TENM1: variants seen among roughly 807,000 people sequenced by gnomAD.
TENM1 encodes teneurin transmembrane protein 1, also known as teneurin-1.
In TENM1, 35 loss-of-function variants were observed where a neutral mutation model predicts 174.8. The ratio of observed to expected loss-of-function variants is 0.20; its 90% confidence interval spans 0.15 to 0.27. The LOEUF (loss-of-function observed/expected upper bound fraction) is 0.27, where lower values mean the gene tolerates loss of function less well. Among genes scored for constraint, TENM1 ranks in the 10% least tolerant of loss-of-function variants. The pLI is 1.00. For missense variants in TENM1, 1,633 were observed against 2,130.1 expected (o/e 0.77, Z 4.59); for synonymous variants, 781 against 798.7 (o/e 0.98, Z 0.37).
At position 124,642,033 on chromosome X, in the gene TENM1, G is replaced by A. The variant is rs779076980; in HGVS notation, c.1877-42C>T. 6 of 997,488 alleles carry A rather than the reference G, an allele frequency of 6.0e-6. No individual in the cohort carries two copies. In the East Asian group the frequency reaches 1.8e-4, roughly 30 times the overall value. 82.2% of individuals were successfully genotyped at this position (997,488 alleles called of 1,213,427 possible). On this transcript the variant is annotated intron_variant, in intron 10 of 31. Coordinates refer to ENST00000422452, the Ensembl canonical transcript of TENM1. ...GTGGGGGGGAGGGGTGATTAATAGT[G>A]AACAGGTATGGCCAACATACCTTAG...
At chrX:124,492,767 G>T (rs2047099313) in intron 20 of TENM1, among the ~76,000 whole-genome samples, 1 of 110,234 alleles carries the variant, frequency 9.1e-6, no homozygotes, top group African/African-American at 3.3e-5. Flanking sequence ...TATTAACCAT[G>T]AGTCTATCAA....
intron 1 of TENM1, among the ~76,000 whole-genome samples, chrX:124,938,745 A>T (rs1190924377): frequency 8.9e-6 from 1 of 112,285 alleles, no homozygotes; most frequent in Admixed American, 9.5e-5. Flanking sequence ...TTTCTTAGTG[A>T]ACATAATCTC....
At chrX:124,437,318 A>G (rs1481810933) in intron 23 of TENM1, among the ~76,000 whole-genome samples, 2 of 109,609 alleles carry the variant, frequency 1.8e-5, no homozygotes, top group African/African-American at 6.7e-5. Flanking sequence ...ACAGCAATAC[A>G]CTATTGTAGG....
intron 1 of TENM1, among the ~76,000 whole-genome samples, chrX:124,913,667 C>T (rs1370322633): frequency 1.8e-5 from 2 of 111,387 alleles, no homozygotes; most frequent in African/African-American, 6.5e-5. Flanking sequence ...CAACCTCCAG[C>T]CAAAAATAAA....
At chrX:124,405,192 C>A in exon 27 of TENM1, 1 of 1,211,500 alleles carries the variant, frequency 8.3e-7, no homozygotes, top group Non-Finnish European at 1.1e-6. Context: ...GAGCTGAGGC[C>A]GATCTCCATC....
the TENM1 span, among the ~76,000 whole-genome samples, chrX:125,155,664 C>G: frequency 8.0e-5 from 2 of 25,031 alleles, no homozygotes; most frequent in Non-Finnish European, 6.9e-5. Flanking sequence ...GAGCGCAGCA[C>G]CGGTGGGCCG....
intron 15 of TENM1, among the ~76,000 whole-genome samples, chrX:124,538,722 T>C (rs781629545): frequency 8.9e-6 from 1 of 111,813 alleles, no homozygotes; most frequent in East Asian, 2.8e-4. Flanking sequence ...TCAGTGAAAT[T>C]ACAAATGTTT....
At chrX:125,098,054 G>C in the TENM1 span, among the ~76,000 whole-genome samples, 1 of 112,068 alleles carries the variant, frequency 8.9e-6, no homozygotes, top group African/African-American at 3.2e-5. Flanking sequence ...ACGAGGTCAG[G>C]AGATCGAGAC....
intron 4 of TENM1, among the ~76,000 whole-genome samples, chrX:124,733,739 A>G (rs768970586): frequency 1.8e-5 from 2 of 112,741 alleles, no homozygotes; most frequent in East Asian, 5.6e-4. Flanking sequence ...GTTCACTCTT[A>G]CATGAAAACT....
intron 4 of TENM1, among the ~76,000 whole-genome samples, chrX:124,735,703 T>G (rs1357511015): frequency 9.0e-6 from 1 of 111,553 alleles, no homozygotes; most frequent in Non-Finnish European, 1.9e-5. Flanking sequence ...CATCAATGAA[T>G]AATTGGATGA....
In TENM1 at chrX:124,455,274, T is replaced by A. The variant is rs767098608; in HGVS notation, c.3950-1783A>T. On this transcript the variant is annotated intron_variant, in intron 22 of 31. Coordinates refer to ENST00000422452, the Ensembl canonical transcript of TENM1. ...AATCCCTTTATAATTTTTAGAGGTATAAGGACCCTTAAGGTGGTTTATAAA... is the reference window on the plus strand; with the variant it reads ...AATCCCTTTATAATTTTTAGAGGTAAAAGGACCCTTAAGGTGGTTTATAAA... Among the ~76,000 whole-genome samples, 11 of 111,916 alleles carry A rather than the reference T, an allele frequency of 9.8e-5. No individual in the cohort carries two copies. In the East Asian group the frequency reaches 2.8e-3, roughly 28 times the overall value.
At chrX:125,087,314 T>C in the TENM1 span, among the ~76,000 whole-genome samples, 5 of 111,267 alleles carry the variant, frequency 4.5e-5, no homozygotes, top group Non-Finnish European at 9.5e-5. Flanking sequence ...ATATATTTTA[T>C]ATACAAATTG....
chrX:124,764,228 G>A (rs192143911), intron 3 of TENM1, among the ~76,000 whole-genome samples: 202 of 111,537 alleles, frequency 1.8e-3, no homozygotes, highest in Non-Finnish European at 3.0e-3. Context: ...GAGTGCAGGC[G>A]TGGGGACAGC....
exon 32 of TENM1, chrX:124,376,408 T>G (rs1332445632): frequency 1.8e-5 from 2 of 112,225 alleles, no homozygotes; most frequent in African/African-American, 6.5e-5. Flanking sequence ...TTCATACAAG[T>G]AAAATATTTT....
At chrX:124,869,670 G>A (rs2057072606) in intron 3 of TENM1, among the ~76,000 whole-genome samples, 2 of 111,265 alleles carry the variant, frequency 1.8e-5, no homozygotes, top group African/African-American at 6.5e-5. Flanking sequence ...AGTCATTTGC[G>A]ACAACATGGA....
At chrX:124,981,009 T>C in the TENM1 span, among the ~76,000 whole-genome samples, 2 of 112,334 alleles carry the variant, frequency 1.8e-5, no homozygotes, top group African/African-American at 6.5e-5. Flanking sequence ...TATAGATGTG[T>C]GGTATTCAGC....
chrX:125,082,353 G>A, the TENM1 span, among the ~76,000 whole-genome samples: 6 of 110,089 alleles, frequency 5.5e-5, no homozygotes, highest in African/African-American at 2.0e-4. Context: ...ATATGAATCA[G>A]ATCACCTGAT....
At chrX:124,623,672 A>C (rs1053586711) in intron 11 of TENM1, among the ~76,000 whole-genome samples, 1 of 111,735 alleles carries the variant, frequency 8.9e-6, no homozygotes, top group Non-Finnish European at 1.9e-5. Context: ...CAAAATCTGC[A>C]TCTGGTAATA....
the TENM1 span, among the ~76,000 whole-genome samples, chrX:124,991,854 G>C: frequency 9.0e-6 from 1 of 111,182 alleles, no homozygotes; most frequent in Non-Finnish European, 1.9e-5. Context: ...TGCTAGACTT[G>C]TTCTGAGCCT....
Sources: allele counts gnomAD v4.1 joint callset (sites outside exome capture counted in the v4.1 genomes callset), GRCh38; gene constraint gnomAD v4.1.1; transcripts MANE v1.5; gene names NCBI Gene and HGNC (gene_info 2026-07-23, HGNC 2026-07-21).